Variants in BDNF observed in about 807,000 individuals in gnomAD.
BDNF encodes brain derived neurotrophic factor, also known as neurotrophic factor BDNF precursor form.
A neutral mutation model predicts 19.5 loss-of-function variants in BDNF; 1 was observed. The ratio of observed to expected loss-of-function variants is 0.05; its 90% CI spans 0.02 to 0.24. The LOEUF is 0.24. Ranked by LOEUF, BDNF falls within the 10% of genes least tolerant of loss-of-function variation. The pLI is 1.00. For synonymous variants in BDNF, 100 were observed against 121.6 expected, an observed-to-expected ratio of 0.82 and a Z score of 1.17; for missense variants, 195 against 317.6, an observed-to-expected ratio of 0.61 and a Z score of 2.93.
At chr11:27,701,668 G>T, upstream of BDNF, 1 of 970,064 alleles carries the variant, frequency 1.0e-6, no homozygotes, top group Non-Finnish European at 1.2e-6. Context: ...GTGCCTTGAC[G>T]TGCGCTGTCA....
At chr11:27,669,182 A>C (rs1287385957) in intron 1 of BDNF, among the ~76,000 whole-genome samples, 1 of 152,232 alleles carries the variant, frequency 6.6e-6, no homozygotes, top group Non-Finnish European at 1.5e-5. Context: ...ATAGATGCAG[A>C]AAAGGCCTTT....
chr11:27,709,712 C>T (rs1266604325), intron 1 of BDNF, among the ~76,000 whole-genome samples: 2 of 152,108 alleles, frequency 1.3e-5, no homozygotes, highest in East Asian at 1.9e-4. Context: ...AGATAGATAT[C>T]GTAAGGGCCA....
intron 1 of BDNF, chr11:27,659,026 A>T: frequency 9.3e-7 from 1 of 1,076,244 alleles, no homozygotes; most frequent in Non-Finnish European, 1.1e-6. Context: ...CCTTTGCAGG[A>T]ATGTGTGACA....
upstream of BDNF, among the ~76,000 whole-genome samples, chr11:27,704,327 A>G (rs1295882695): frequency 2.0e-5 from 3 of 152,216 alleles, no homozygotes; most frequent in African/African-American, 7.2e-5. Context: ...TCCAGGGGGA[A>G]CAAAGGTCAG....
chr11:27,664,146 A>C (rs1340421036), intron 1 of BDNF, among the ~76,000 whole-genome samples: 2 of 152,208 alleles, frequency 1.3e-5, no homozygotes, highest in Non-Finnish European at 2.9e-5. Flanking sequence ...AGTCCTATAA[A>C]GATAATGGTA....
intron 1 of BDNF, among the ~76,000 whole-genome samples, chr11:27,662,146 G>T (rs531999757): frequency 6.6e-6 from 1 of 152,180 alleles, no homozygotes; most frequent in Admixed American, 6.5e-5. Flanking sequence ...GATTACAGGC[G>T]CCCACCACCA....
chr11:27,700,520 G>GCCCCCCCCC (rs67192910), upstream of BDNF: 1 of 685,734 alleles, frequency 1.5e-6, no homozygotes. Context: ...AAACGGCGCC[G>GCCCCCCCCC]CCCCCCCCCC....
upstream of BDNF, chr11:27,700,716 G>A: frequency 8.5e-7 from 1 of 1,169,660 alleles, no homozygotes; most frequent in East Asian, 6.1e-5. Context: ...TGCGAGTCCT[G>A]CGCCCTCCTG....
At chr11:27,659,913 C>G (rs1230380271) in intron 1 of BDNF, among the ~76,000 whole-genome samples, 1 of 152,174 alleles carries the variant, frequency 6.6e-6, no homozygotes, top group Non-Finnish European at 1.5e-5. Context: ...TACCTATGGA[C>G]CAACCCAAGG....
upstream of BDNF, among the ~76,000 whole-genome samples, chr11:27,702,504 A>C (rs1161420409): frequency 6.6e-6 from 1 of 152,200 alleles, no homozygotes; most frequent in Non-Finnish European, 1.5e-5. Context: ...GTAATCTCAA[A>C]GGGGTTTGAC....
chr11:27,713,742 A>G (rs574618977), intron 1 of BDNF, among the ~76,000 whole-genome samples: 9 of 152,272 alleles, frequency 5.9e-5, no homozygotes, highest in African/African-American at 2.2e-4. Context: ...AAGATTTTGG[A>G]GTGGATTTAA....
chr11:27,667,556 TA>T (rs1854574051), intron 1 of BDNF, among the ~76,000 whole-genome samples: 1 of 151,740 alleles, frequency 6.6e-6, no homozygotes, highest in Non-Finnish European at 1.5e-5. Flanking sequence ...AGGCTCAAAA[TA>T]AAGGGATGGA....
At chr11:27,715,206 A>G (rs1004271564) in intron 1 of BDNF, among the ~76,000 whole-genome samples, 2 of 152,230 alleles carry the variant, frequency 1.3e-5, no homozygotes, top group Admixed American at 1.3e-4. Context: ...AGCCAAGCTC[A>G]TGATCCACAT....
chr11:27,721,379 T>C, intron 1 of BDNF: 1 of 1,613,350 alleles, frequency 6.2e-7, no homozygotes, highest in Non-Finnish European at 8.5e-7. Context: ...GTCAAGATTT[T>C]TCAATTATAA....
intron 1 of BDNF, among the ~76,000 whole-genome samples, chr11:27,682,941 G>C (rs1857027893): frequency 6.6e-6 from 1 of 152,162 alleles, no homozygotes; most frequent in African/African-American, 2.4e-5. Context: ...GGATGGCTGG[G>C]TCAAAAGATA....
intron 1 of BDNF, chr11:27,677,427 T>C (rs924623158): frequency 1.3e-5 from 2 of 152,098 alleles, no homozygotes; most frequent in African/African-American, 4.8e-5. Flanking sequence ...ATAGTGTATA[T>C]ATGGCTACTA....
At chr11:27,692,896 C>T (rs372588824) in intron 1 of BDNF, among the ~76,000 whole-genome samples, 2 of 152,194 alleles carry the variant, frequency 1.3e-5, no homozygotes, top group African/African-American at 4.8e-5. Context: ...ATCTCCCAGC[C>T]ACAGTAGGCA....
intron 1 of BDNF, among the ~76,000 whole-genome samples, 185 bp downstream of exon 1, chr11:27,699,979 C>T (rs1367839551): frequency 1.3e-5 from 2 of 152,176 alleles, no homozygotes; most frequent in African/African-American, 2.4e-5. Flanking sequence ...GCCGGCTGAC[C>T]TTCTGGGTTG....
intron 1 of BDNF, among the ~76,000 whole-genome samples, chr11:27,670,201 G>A (rs1287378757): frequency 1.3e-5 from 2 of 152,178 alleles, no homozygotes; most frequent in African/African-American, 2.4e-5. Context: ...AAACTGGCTA[G>A]CCATATGTAG....
Sources: allele counts gnomAD v4.1 joint callset (sites outside exome capture counted in the v4.1 genomes callset), GRCh38; gene constraint gnomAD v4.1.1; transcripts MANE v1.5; gene names NCBI Gene and HGNC (gene_info 2026-07-23, HGNC 2026-07-21).